Variants in ANO3 observed in about 807,000 individuals in gnomAD.
ANO3 encodes anoctamin-3.
ANO3 carries 99 observed loss-of-function variants against 144.8 expected under a neutral mutation model. The observed-to-expected ratio is 0.68, with a 90% CI of 0.58 to 0.81. ANO3 has a LOEUF of 0.81. Ranked by LOEUF, ANO3 falls within the 30% of genes least tolerant of loss-of-function variation. The pLI is 0.00. For synonymous variants in ANO3, 414 were observed against 392.6 expected, an observed-to-expected ratio of 1.05 and a Z score of -0.64; for missense variants, 905 against 1,202.2, an observed-to-expected ratio of 0.75 and a Z score of 3.66.
At chr11:26,262,284 C>T (rs1404100606) in intron 1 of ANO3, among the ~76,000 whole-genome samples, 6 of 152,122 alleles carry the variant, frequency 3.9e-5, no homozygotes, top group Admixed American at 3.9e-4. Context: ...ATTGAAGTAA[C>T]CTACCATCCT....
intron 3 of ANO3, among the ~76,000 whole-genome samples, chr11:26,453,021 G>A (rs1197360886): frequency 6.6e-6 from 1 of 151,832 alleles, no homozygotes; most frequent in South Asian, 2.1e-4. Flanking sequence ...TTACAGACAA[G>A]CAAATGCTGA....
At position 26,647,739 on chromosome 11, in the gene ANO3, G is replaced by T; in HGVS notation, c.2459G>T (p.Gly820Val). 1 of 1,611,110 alleles carries T rather than the reference G, an allele frequency of 6.2e-7. No homozygotes were observed. The highest frequency in any genetic ancestry group is 8.5e-7 in the Non-Finnish European group (1 of 1,178,320). Reference sequence around the variant, plus strand: ...TGGCTTGGAATTCTCGAAGGAATCGGTATATTGGCTGTGATCACCAATGCA... The same window carrying T: ...TGGCTTGGAATTCTCGAAGGAATCGTTATATTGGCTGTGATCACCAATGCA... ...GIWLGILEGI[G>V]ILAVITNAFV... The change falls in exon 24 of 27, where the codon GGT (glycine) becomes GTT (valine). Residue 820 changes from glycine (G) to valine (V), a missense_variant. Gly to Val is a moderately radical substitution (Grantham distance 109). This residue lies in a region of ANO3 where 597 missense variants were observed against 865.1 expected (regional missense o/e 0.69). Coordinates refer to ENST00000256737, the MANE Select transcript of ANO3 (RefSeq NM_031418.4).
rs1036190919 is a variant in ANO3, at chr11:26,451,454, G to T, written c.313+7618G>T. ...TTAAATCCTGCACCTGGCTCGGAGG[G>T]TCCTACGCCCACGGAGTCTCGCTGA... On this transcript the variant is annotated intron_variant, in intron 3 of 26. Coordinates refer to ENST00000256737, the MANE Select transcript of ANO3 (RefSeq NM_031418.4). Among the ~76,000 whole-genome samples, 5 of 152,310 alleles carry T rather than the reference G, an allele frequency of 3.3e-5. No individual in the cohort carries two copies. The East Asian group carries it at 9.7e-4, about 30-fold the overall frequency.
intron 6 of ANO3, among the ~76,000 whole-genome samples, chr11:26,520,487 C>T (rs1022156118): frequency 2.0e-5 from 3 of 151,934 alleles, no homozygotes; most frequent in East Asian, 1.9e-4. Flanking sequence ...GCATTGTGAT[C>T]GTGGAAAGTC....
chr11:26,547,440 A>G lies in ANO3; in HGVS notation c.1179A>G (p.Gly393=). ...GGCTATACTTTGGTGAGAAGATTGG[A>G]CTATACTTTGCTTGGCTGGGATGGT... The part of the protein sequence containing the change: ...LIRLYFGEKI[G]LYFAWLGWYT... The change falls in exon 12 of 27, where the codon GGA becomes GGG. Residue 393 remains glycine (G), a synonymous_variant. Transcript: ENST00000256737. 1.2e-6 allele frequency: 2 copies of G among 1,611,940 alleles called. No homozygotes were observed. Among genetic ancestry groups the G allele is most frequent in the Admixed American group, 1.7e-5 (1 of 59,908 alleles).
At chr11:26,290,390 A>T (rs1383654156) in intron 1 of ANO3, among the ~76,000 whole-genome samples, 2 of 151,328 alleles carry the variant, frequency 1.3e-5, no homozygotes, top group African/African-American at 4.9e-5. Context: ...TTTTGAAGGG[A>T]TTTTGTGTCT....
At chr11:26,367,120 A>G (rs1488339903) in intron 1 of ANO3, among the ~76,000 whole-genome samples, 1 of 152,234 alleles carries the variant, frequency 6.6e-6, no homozygotes, top group African/African-American at 2.4e-5. Flanking sequence ...GATGGATTAA[A>G]GACTTAAATG....
chr11:26,410,115 T>C (rs1857391864), intron 1 of ANO3, among the ~76,000 whole-genome samples: 1 of 152,006 alleles, frequency 6.6e-6, no homozygotes, highest in Non-Finnish European at 1.5e-5. Context: ...CAGGTATTTC[T>C]CAACAGTCAC....
intron 3 of ANO3, among the ~76,000 whole-genome samples, chr11:26,449,180 T>C (rs1375456657): frequency 6.6e-6 from 1 of 152,160 alleles, no homozygotes; most frequent in African/African-American, 2.4e-5. Context: ...ACAATAAATA[T>C]GTGCTTATCC....
In ANO3 at chr11:26,497,621, C is replaced by T. The variant is rs372808774; in HGVS notation, c.433-10483C>T. 4.6e-5 allele frequency among the ~76,000 whole-genome samples: 7 copies of T among 152,148 alleles called. No homozygotes were observed. In the East Asian group the frequency reaches 1.2e-3, roughly 25 times the overall value. On this transcript the variant is annotated intron_variant, in intron 4 of 26. Transcript: ENST00000256737. ...TTTTCACTGGGTCTGTGAGGTTACT[C>T]ATATTTTACAGGAGTTTTCTAAATA...
chr11:26,363,984 T>C (rs1437785508), intron 1 of ANO3, among the ~76,000 whole-genome samples: 2 of 152,222 alleles, frequency 1.3e-5, no homozygotes, highest in South Asian at 4.1e-4. Context: ...ACAGTCCTTA[T>C]AGGACTGGCT....
chr11:26,324,061 G>A (rs953927888), intron 1 of ANO3, among the ~76,000 whole-genome samples: 1 of 152,142 alleles, frequency 6.6e-6, no homozygotes, highest in East Asian at 1.9e-4. Context: ...CTCAGAGCTT[G>A]GTAGATAAGA....
intron 4 of ANO3, among the ~76,000 whole-genome samples, chr11:26,506,788 T>C (rs118007319): frequency 0.089 from 13,600 of 152,262 alleles, 848 homozygotes; most frequent in Admixed American, 0.14. Flanking sequence ...GGTGACTCTT[T>C]CTTGGATATT....
intron 6 of ANO3, among the ~76,000 whole-genome samples, chr11:26,519,710 C>A (rs184409346): frequency 4.5e-4 from 69 of 152,280 alleles, no homozygotes; most frequent in Admixed American, 4.4e-3. Flanking sequence ...AAAGGCCCCA[C>A]CTCCAAGAAC....
intron 24 of ANO3, among the ~76,000 whole-genome samples, chr11:26,654,439 T>G (rs1297786004): frequency 6.6e-6 from 1 of 152,120 alleles, no homozygotes; most frequent in Non-Finnish European, 1.5e-5. Context: ...ATAGAAATAT[T>G]TTTCTATATT....
chr11:26,326,580 C>T (rs1237737545), intron 1 of ANO3, among the ~76,000 whole-genome samples: 3 of 152,172 alleles, frequency 2.0e-5, no homozygotes, highest in East Asian at 1.9e-4. Flanking sequence ...CTCTTATAAC[C>T]GGCCTGGTCA....
At chr11:26,572,148 T>C in intron 14 of ANO3, 1 of 985,386 alleles carries the variant, frequency 1.0e-6, no homozygotes, top group Non-Finnish European at 1.2e-6. Flanking sequence ...AGTGTGACAA[T>C]GTCGCACTGA....
At chr11:26,269,846 A>G (rs1853403345) in intron 1 of ANO3, among the ~76,000 whole-genome samples, 1 of 152,218 alleles carries the variant, frequency 6.6e-6, no homozygotes, top group Admixed American at 6.5e-5. Context: ...CGAAATCCCC[A>G]GTACCTCTCA....
chr11:26,229,001 G>T (rs1333933011), intron 1 of ANO3, among the ~76,000 whole-genome samples: 1 of 152,186 alleles, frequency 6.6e-6, no homozygotes, highest in Non-Finnish European at 1.5e-5. Flanking sequence ...GGCTAAAACT[G>T]CCATTTCCGT....
Sources: gnomAD v4.1 joint callset for allele counts (sites outside exome capture counted in the v4.1 genomes callset) on GRCh38, gnomAD v4.1.1 for gene constraint, gnomAD v4.1.1 regional missense constraint, MANE v1.5 for transcripts, NCBI Gene and HGNC (gene_info 2026-07-23, HGNC 2026-07-21) for gene names.